ADAMTS16: variants seen among roughly 807,000 people sequenced by gnomAD.
The protein encoded by ADAMTS16 is A disintegrin and metalloproteinase with thrombospondin motifs 16.
ADAMTS16 carries 94 observed loss-of-function variants against 145.8 expected under a neutral mutation model. The observed-to-expected ratio is 0.64, with a 90% CI of 0.55 to 0.77. ADAMTS16 has a LOEUF of 0.77. Ranked by LOEUF, ADAMTS16 falls within the 30% of genes least tolerant of loss-of-function variation. ADAMTS16 has a pLI of 0.00. For synonymous variants in ADAMTS16, 659 were observed against 604.3 expected, an observed-to-expected ratio of 1.09 and a Z score of -1.33; for missense variants, 1,585 against 1,591.5, an observed-to-expected ratio of 1.00 and a Z score of 0.07.
rs1257764368 is a variant in ADAMTS16, at chr5:5,319,934, T to C, written c.*796T>C. The C allele has an allele frequency of 8.8e-6, 4 of 455,090 alleles. No individual in the cohort carries two copies. The highest frequency in any genetic ancestry group is 1.8e-5 in the Non-Finnish European group (4 of 226,800). 28.2% of individuals were successfully genotyped at this position (455,090 alleles called of 1,614,324 possible). A position where few individuals can be genotyped will look rare whatever the true frequency, so the allele number is the denominator to read the frequency against. ...AAAACACACTTCTTCATGCTTTTCT[T>C]TGTAAATGACAGATCGAAGTATAGG... On this transcript the variant is annotated 3_prime_UTR_variant, in exon 23 of 23. Coordinates refer to ENST00000274181, the MANE Select transcript of ADAMTS16 (RefSeq NM_139056.4).
chr5:5,317,497 C>T lies in ADAMTS16; in HGVS notation c.3412-637C>T, dbSNP rs962443615. Among the ~76,000 whole-genome samples, 3 of 152,096 alleles carry T rather than the reference C, an allele frequency of 2.0e-5. No homozygotes were observed. Among genetic ancestry groups the T allele is most frequent in the Non-Finnish European group, 2.9e-5 (2 of 68,014 alleles). ...GCAACCTCTGCCTCCCAGGTTCAGG[C>T]GATTCTCATGCCTCAGCTTCCCAAG... On this transcript the variant is annotated intron_variant, in intron 21 of 22. Coordinates refer to ENST00000274181, the MANE Select transcript of ADAMTS16 (RefSeq NM_139056.4). This position sits in a 1 kb window ranked among gnomAD's most constrained non-coding sequence, Gnocchi z 4.5.
chr5:5,169,621 C>T (rs974508449), intron 3 of ADAMTS16, among the ~76,000 whole-genome samples: 5 of 152,162 alleles, frequency 3.3e-5, no homozygotes, highest in South Asian at 2.1e-4. Context: ...CTTTCTGCAG[C>T]GTTGATTCTT....
chr5:5,204,623 A>T (rs933424297), intron 9 of ADAMTS16, among the ~76,000 whole-genome samples: 8 of 152,226 alleles, frequency 5.3e-5, no homozygotes, highest in Non-Finnish European at 1.0e-4. Context: ...CTACTTAGTT[A>T]TGTTGCATAT....
At chr5:5,309,489 G>A (rs1740327632) in intron 21 of ADAMTS16, among the ~76,000 whole-genome samples, 1 of 152,158 alleles carries the variant, frequency 6.6e-6, no homozygotes. Context: ...AATGCTTGCT[G>A]AATGGTGAAT....
intron 18 of ADAMTS16, among the ~76,000 whole-genome samples, chr5:5,281,310 A>G (rs1738897382): frequency 6.6e-6 from 1 of 152,250 alleles, no homozygotes; most frequent in Admixed American, 6.5e-5. Context: ...TGATGATGAT[A>G]AAAGGTTTTT....
At chr5:5,201,355 A>T (rs7446022) in intron 9 of ADAMTS16, among the ~76,000 whole-genome samples, 24,848 of 152,216 alleles carry the variant, frequency 0.16, 2,268 homozygotes, top group African/African-American at 0.24. Flanking sequence ...AAATAAAAAT[A>T]TTTTTAAAAA....
intron 11 of ADAMTS16, 107 bp downstream of exon 11, chr5:5,222,991 T>C: frequency 3.5e-6 from 3 of 856,544 alleles, no homozygotes; most frequent in Non-Finnish European, 5.8e-6. Context: ...ATTTCTCATA[T>C]ACATATGCAT....
intron 11 of ADAMTS16, 109 bp from the exon 12 acceptor site, chr5:5,232,259 C>A: frequency 1.6e-6 from 2 of 1,290,076 alleles, no homozygotes; most frequent in Non-Finnish European, 2.2e-6. Flanking sequence ...AGGCTAATGT[C>A]TGCATAGTTT....
chr5:5,267,813 T>A (rs1738300500), intron 18 of ADAMTS16, among the ~76,000 whole-genome samples: 2 of 151,970 alleles, frequency 1.3e-5, no homozygotes, highest in African/African-American at 4.8e-5. Flanking sequence ...GGCCCGAGAG[T>A]GGAGCCCTCA....
intron 3 of ADAMTS16, among the ~76,000 whole-genome samples, chr5:5,161,370 T>G (rs1734740537): frequency 6.6e-6 from 1 of 152,234 alleles, no homozygotes; most frequent in South Asian, 2.1e-4. Flanking sequence ...TTTCTCCAGT[T>G]TCCACCTTTC....
At chr5:5,228,492 AT>A (rs1736830069) in intron 11 of ADAMTS16, among the ~76,000 whole-genome samples, 1 of 152,130 alleles carries the variant, frequency 6.6e-6, no homozygotes, top group Non-Finnish European at 1.5e-5. Flanking sequence ...CTAATGAAGT[AT>A]TTTTTCTTTA....
At chr5:5,172,302 T>G (rs1359448931) in intron 3 of ADAMTS16, among the ~76,000 whole-genome samples, 1 of 152,030 alleles carries the variant, frequency 6.6e-6, no homozygotes, top group Non-Finnish European at 1.5e-5. Flanking sequence ...TTTTGTTTGC[T>G]CTTGCTTTTC....
At chr5:5,209,048 T>C in intron 9 of ADAMTS16, 45 bp from the exon 10 acceptor site, 2 of 1,572,566 alleles carry the variant, frequency 1.3e-6, no homozygotes, top group Non-Finnish European at 1.7e-6. Context: ...GTCCTTTGGT[T>C]ACTCTACGGG....
chr5:5,263,852 A>G (rs1355553802), intron 18 of ADAMTS16, among the ~76,000 whole-genome samples: 1 of 152,150 alleles, frequency 6.6e-6, no homozygotes, highest in Non-Finnish European at 1.5e-5. Context: ...CCTTTCTGGT[A>G]CCCACACTCA....
rs1457675494 is a variant in ADAMTS16, at chr5:5,306,515, A to G, written c.3198A>G (p.Thr1066=). The change falls in exon 21 of 23, where the codon ACA becomes ACG. Residue 1066 remains threonine, a synonymous_variant. Coordinates refer to ENST00000274181, the MANE Select transcript of ADAMTS16 (RefSeq NM_139056.4). ...TCTCTTCTTTTTAGTGCTCTGTGAC[A>G]TGTGAAAGAGGAACACAGAAAAGAT... The part of the protein sequence containing the change: ...LVSAWSQCSV[T]CERGTQKRFL... The G allele has an allele frequency of 9.9e-6, 16 of 1,613,010 alleles. No individual in the cohort carries two copies. Among genetic ancestry groups the G allele is most frequent in the Non-Finnish European group, 1.4e-5 (16 of 1,179,160 alleles).
intron 3 of ADAMTS16, among the ~76,000 whole-genome samples, chr5:5,153,914 T>G (rs1368691343): frequency 6.6e-6 from 1 of 152,194 alleles, no homozygotes; most frequent in Non-Finnish European, 1.5e-5. Context: ...GTTGTAATTC[T>G]CAGTTCTGTC....
chr5:5,176,542 A>T (rs1490278516), intron 3 of ADAMTS16, among the ~76,000 whole-genome samples: 1 of 152,188 alleles, frequency 6.6e-6, no homozygotes, highest in Non-Finnish European at 1.5e-5. Flanking sequence ...TCTCAGAACA[A>T]GGCCAGAAAT....
intron 8 of ADAMTS16, among the ~76,000 whole-genome samples, chr5:5,194,972 A>G (rs1385515818): frequency 6.6e-6 from 1 of 152,164 alleles, no homozygotes; most frequent in Non-Finnish European, 1.5e-5. Flanking sequence ...CATGCCTGCA[A>G]CTCATAGGTT....
chr5:5,242,694 A>C (rs757954375), intron 17 of ADAMTS16, among the ~76,000 whole-genome samples: 2 of 152,218 alleles, frequency 1.3e-5, no homozygotes, highest in African/African-American at 2.4e-5. Flanking sequence ...GAAAACATCA[A>C]GAAAAAAACA....
Sources: allele counts gnomAD v4.1 joint callset (sites outside exome capture counted in the v4.1 genomes callset), GRCh38; gene constraint gnomAD v4.1.1; non-coding constraint Gnocchi (gnomAD v3.1); transcripts MANE v1.5; gene names NCBI Gene and HGNC (gene_info 2026-07-23, HGNC 2026-07-21).